The following DGKH variants were observed in gnomAD, a reference collection of about 807,000 sequenced individuals.
The protein encoded by DGKH is diacylglycerol kinase eta, also known as DAG kinase eta.
In DGKH, 90 loss-of-function variants were observed where a neutral mutation model predicts 159.3. The ratio of observed to expected loss-of-function variants is 0.57; its 90% CI spans 0.48 to 0.67. The LOEUF is 0.67. Among genes scored for constraint, DGKH ranks in the 30% least tolerant of loss-of-function variants. The pLI, the probability that DGKH is intolerant of heterozygous loss-of-function variation, is 0.00. For synonymous variants in DGKH, 536 were observed against 553.8 expected, an observed-to-expected ratio of 0.97 and a Z score of 0.45; for missense variants, 1,181 against 1,506.1, an observed-to-expected ratio of 0.78 and a Z score of 3.57.
rs537911136 is a variant in DGKH, at chr13:42,143,174, G to A, written c.385-12117G>A. Reference sequence around the variant, plus strand: ...AGATAATCATATGGTTTTTGTTGTCGGTTCTGTTTATATGCTGGATTATGT... The same window carrying A: ...AGATAATCATATGGTTTTTGTTGTCAGTTCTGTTTATATGCTGGATTATGT... On this transcript the variant is annotated intron_variant, in intron 3 of 29. Coordinates refer to ENST00000337343, the MANE Select transcript of DGKH (RefSeq NM_178009.5). Among the ~76,000 whole-genome samples the A allele has an allele frequency of 4.8e-4, 73 of 152,164 alleles. 1 individual carries two copies. The highest frequency in any genetic ancestry group is 1.7e-3 in the African/African-American group (70 of 41,510).
At chr13:42,088,531 C>T (rs555284153) in intron 1 of DGKH, among the ~76,000 whole-genome samples, 88 of 151,680 alleles carry the variant, frequency 5.8e-4, no homozygotes, top group Non-Finnish European at 1.1e-3. Context: ...CATACTGTAA[C>T]CGAAGAGAAA....
chr13:42,067,199 T>C (rs180955601), intron 1 of DGKH, among the ~76,000 whole-genome samples: 81 of 152,262 alleles, frequency 5.3e-4, no homozygotes, highest in African/African-American at 1.9e-3. Context: ...ACATAACTAC[T>C]GCAAATAATG....
At chr13:42,216,307 C>T (rs896448912) in intron 26 of DGKH, among the ~76,000 whole-genome samples, 6 of 152,186 alleles carry the variant, frequency 3.9e-5, no homozygotes, top group East Asian at 1.9e-4. Flanking sequence ...TGGCTCTTGC[C>T]GCCACCTAGA....
At chr13:42,140,667 C>T (rs563108640) in intron 3 of DGKH, 1 of 152,256 alleles carries the variant, frequency 6.6e-6, no homozygotes, top group South Asian at 2.1e-4. Context: ...TACTGATGTA[C>T]TTTTTGAAGA....
rs1005270219 is a variant in DGKH, at chr13:42,069,019, A to G, written c.192+20054A>G. On this transcript the variant is annotated intron_variant, in intron 1 of 29. Coordinates refer to ENST00000337343, the MANE Select transcript of DGKH (RefSeq NM_178009.5). ...AGCAGAAGCTGTTAATGTGGCCTGT[A>G]TTGACTTAAGTGGTGACCCAACTGG... 14 of 1,464,202 alleles carry G rather than the reference A, an allele frequency of 9.6e-6. No homozygotes were observed. In the African/African-American group the frequency reaches 1.1e-4, roughly 12 times the overall value. 90.7% of individuals were successfully genotyped at this position (1,464,202 alleles called of 1,614,324 possible).
chr13:42,078,029 C>T (rs2021802), intron 1 of DGKH, among the ~76,000 whole-genome samples: 52,439 of 152,050 alleles, frequency 0.34, 9,268 homozygotes, highest in East Asian at 0.4. Context: ...AATTAAATAG[C>T]ATGAACATCT....
In DGKH at chr13:42,168,760, A is replaced by G. The variant is rs1424056012; in HGVS notation, c.1309A>G (p.Thr437Ala). The G allele has an allele frequency of 3.1e-6, 5 of 1,614,086 alleles. No homozygotes were observed. In the East Asian group the frequency reaches 1.1e-4, roughly 36 times the overall value. Residue 437 changes from threonine (T) to alanine (A), a missense_variant, in exon 11 of 30, where the codon ACC becomes GCC. Physicochemically the swap from Thr to Ala is moderately conservative, Grantham distance 58 (BLOSUM62 0). Transcript: ENST00000337343. ...CTGGGGAGGTTCATATGACGATGAC[A>G]CCCAACTTCCTCAGATCCTAGAGAA... The part of the protein sequence containing the change: ...LGWGGSYDDD[T>A]QLPQILEKLE...
upstream of DGKH, among the ~76,000 whole-genome samples, chr13:42,048,513 C>G (rs1880961236): frequency 6.6e-6 from 1 of 152,168 alleles, no homozygotes; most frequent in Non-Finnish European, 1.5e-5. This position sits in a 1 kb window ranked among gnomAD's most constrained non-coding sequence, Gnocchi z 6.7. Flanking sequence ...CGCAGGGGTC[C>G]GAGGCGGGCG....
At chr13:42,070,513 A>G in intron 1 of DGKH, 2 of 1,330,302 alleles carry the variant, frequency 1.5e-6, no homozygotes, top group South Asian at 2.4e-5. Flanking sequence ...TGTACCATTT[A>G]GTAACCAATC....
At chr13:42,125,377 T>C (rs994647534) in intron 1 of DGKH, among the ~76,000 whole-genome samples, 1 of 152,198 alleles carries the variant, frequency 6.6e-6, no homozygotes, top group African/African-American at 2.4e-5. Context: ...ACCCAGACAG[T>C]GTGCTAAGTG....
chr13:42,112,385 G>A lies in DGKH; in HGVS notation c.193-15078G>A, dbSNP rs776346598. Among the ~76,000 whole-genome samples, 4 of 148,328 alleles carry A rather than the reference G, an allele frequency of 2.7e-5. No homozygotes were observed. In the East Asian group the frequency reaches 6.1e-4, roughly 23 times the overall value. On this transcript the variant is annotated intron_variant, in intron 1 of 29. Transcript: ENST00000337343. ...CAGCCTTGACATCCTGGGCTCAAGCGATCCTCTGGCCTTGGCCTCCTGAGT... is the reference window on the plus strand; with the variant it reads ...CAGCCTTGACATCCTGGGCTCAAGCAATCCTCTGGCCTTGGCCTCCTGAGT...
chr13:42,194,753 C>T (rs548787395), intron 16 of DGKH, 132 bp from the exon 17 acceptor site: 23 of 1,051,488 alleles, frequency 2.2e-5, no homozygotes, highest in Admixed American at 1.6e-4. Flanking sequence ...AAAATGTAAA[C>T]GATAGCTATG....
intron 1 of DGKH, among the ~76,000 whole-genome samples, chr13:42,100,989 T>C (rs887799609): frequency 2.0e-5 from 3 of 152,220 alleles, no homozygotes; most frequent in African/African-American, 2.4e-5. Flanking sequence ...TCTTTTTTGC[T>C]CTCAGATTTT....
chr13:42,221,175 C>G, intron 28 of DGKH, 89 bp from the exon 29 acceptor site: 2 of 1,531,594 alleles, frequency 1.3e-6, no homozygotes. Flanking sequence ...TGCCGCTGCA[C>G]TCTGTTTTGC....
At chr13:42,051,898 C>T (rs1312452159) in intron 1 of DGKH, among the ~76,000 whole-genome samples, 1 of 152,092 alleles carries the variant, frequency 6.6e-6, no homozygotes, top group African/African-American at 2.4e-5. Flanking sequence ...CTCCCGACCT[C>T]AGGTGATCTG....
intron 1 of DGKH, among the ~76,000 whole-genome samples, chr13:42,061,951 G>A (rs983362851): frequency 1.3e-5 from 2 of 151,824 alleles, no homozygotes; most frequent in African/African-American, 2.4e-5. Context: ...GGAAGATAAA[G>A]CAGGGTAAAG....
At chr13:42,173,341 A>T (rs1011920488) in intron 11 of DGKH, among the ~76,000 whole-genome samples, 2 of 152,210 alleles carry the variant, frequency 1.3e-5, no homozygotes, top group African/African-American at 4.8e-5. Flanking sequence ...TGAAATTACT[A>T]TTTTGGATAG....
chr13:42,175,908 A>G (rs1281738905), intron 12 of DGKH, among the ~76,000 whole-genome samples: 1 of 152,186 alleles, frequency 6.6e-6, no homozygotes, highest in East Asian at 1.9e-4. Context: ...TCTTAGGCAA[A>G]TTACTCAGTA....
intron 29 of DGKH, among the ~76,000 whole-genome samples, chr13:42,223,301 T>C (rs948240701): frequency 2.0e-5 from 3 of 152,116 alleles, no homozygotes. Context: ...CCGGTACTAC[T>C]TGTGAATATG....
Sources: gnomAD v4.1 joint callset for allele counts (sites outside exome capture counted in the v4.1 genomes callset) on GRCh38, gnomAD v4.1.1 for gene constraint, Gnocchi (gnomAD v3.1) non-coding constraint, MANE v1.5 for transcripts, NCBI Gene and HGNC (gene_info 2026-07-23, HGNC 2026-07-21) for gene names.